The following CDYL2 variants were observed in gnomAD, a reference collection of about 807,000 sequenced individuals.
The protein encoded by CDYL2 is chromodomain Y-like protein 2.
Under a neutral mutation model 49.4 loss-of-function variants are expected in CDYL2, and 23 were observed. That is an observed-to-expected ratio of 0.47 (90% CI 0.34 to 0.66). CDYL2 has a LOEUF of 0.66. Ranked by LOEUF, CDYL2 falls within the 30% of genes least tolerant of loss-of-function variation. The pLI, the probability that CDYL2 is intolerant of heterozygous loss-of-function variation, is 0.01. For synonymous variants in CDYL2, 360 were observed against 268.8 expected, an observed-to-expected ratio of 1.34 and a Z score of -3.32; for missense variants, 678 against 656.4, an observed-to-expected ratio of 1.03 and a Z score of -0.36.
At chr16:80,708,364 G>A (rs1904475813) in intron 1 of CDYL2, among the ~76,000 whole-genome samples, 1 of 152,276 alleles carries the variant, frequency 6.6e-6, no homozygotes, top group Admixed American at 6.5e-5. Flanking sequence ...CAGTTCCTCT[G>A]CACAAGCTCT....
chr16:80,646,029 T>C (rs1160233528), intron 2 of CDYL2, among the ~76,000 whole-genome samples: 2 of 148,200 alleles, frequency 1.3e-5, no homozygotes, highest in African/African-American at 5.0e-5. Flanking sequence ...CATTAGGAGA[T>C]ATACCTAATG....
At chr16:80,634,324 G>A (rs1021560480) in intron 2 of CDYL2, among the ~76,000 whole-genome samples, 17 of 152,120 alleles carry the variant, frequency 1.1e-4, no homozygotes, top group Admixed American at 8.5e-4. Flanking sequence ...CCATAAAAAA[G>A]GATGAGTTCA....
intron 1 of CDYL2, among the ~76,000 whole-genome samples, chr16:80,718,682 A>C (rs1023167992): frequency 2.6e-5 from 4 of 152,208 alleles, no homozygotes; most frequent in Admixed American, 2.6e-4. Context: ...CTGACACTCA[A>C]GGCCACAGCA....
At chr16:80,670,289 CG>C (rs35973364) in intron 2 of CDYL2, among the ~76,000 whole-genome samples, 68,341 of 151,750 alleles carry the variant, frequency 0.45, 18,733 homozygotes, top group Middle Eastern at 0.68. Context: ...GACTGGATCA[CG>C]GGGGGCGGTT....
At chr16:80,754,980 A>T (rs1906260598) in intron 1 of CDYL2, among the ~76,000 whole-genome samples, 1 of 151,904 alleles carries the variant, frequency 6.6e-6, no homozygotes, top group South Asian at 2.1e-4. Flanking sequence ...TTGGGCAGTC[A>T]CCCACCAACA....
In CDYL2 at chr16:80,638,397, T is replaced by C. The variant is rs371617083; in HGVS notation, c.617-5161A>G. Among the ~76,000 whole-genome samples the C allele has an allele frequency of 3.9e-5, 6 of 152,212 alleles. No individual in the cohort carries two copies. In the East Asian group the frequency reaches 9.6e-4, roughly 24 times the overall value. On this transcript the variant is annotated intron_variant, in intron 2 of 6. Coordinates refer to ENST00000570137, the MANE Select transcript of CDYL2 (RefSeq NM_152342.4). Reference sequence around the variant, plus strand: ...GCCAAGACTCAATATTTTTAATATGTCAATTCTTCCCAACTTGATCTATAG... The same window carrying C: ...GCCAAGACTCAATATTTTTAATATGCCAATTCTTCCCAACTTGATCTATAG...
chr16:80,733,007 A>G (rs1375518311), intron 1 of CDYL2, among the ~76,000 whole-genome samples: 2 of 152,136 alleles, frequency 1.3e-5, no homozygotes, highest in Non-Finnish European at 2.9e-5. Context: ...GCCATTGATC[A>G]AAACAGACTC....
chr16:80,672,091 A>G (rs987972639), intron 2 of CDYL2, among the ~76,000 whole-genome samples: 2 of 152,146 alleles, frequency 1.3e-5, no homozygotes, highest in African/African-American at 4.8e-5. Flanking sequence ...GAATGCTCCA[A>G]TGAGCATTTC....
At chr16:80,629,276 A>G (rs1444589122) in intron 3 of CDYL2, among the ~76,000 whole-genome samples, 3 of 151,998 alleles carry the variant, frequency 2.0e-5, no homozygotes, top group Non-Finnish European at 4.4e-5. Context: ...AAGGAGGCAG[A>G]CTTATGAGAC....
At chr16:80,683,942 C>G (rs1159303821) in intron 2 of CDYL2, among the ~76,000 whole-genome samples, 1 of 152,188 alleles carries the variant, frequency 6.6e-6, no homozygotes, top group Admixed American at 6.5e-5. Flanking sequence ...TGTTTTGTGA[C>G]AGCAGCCTGA....
intron 2 of CDYL2, among the ~76,000 whole-genome samples, chr16:80,679,351 C>T (rs1909883492): frequency 6.6e-6 from 1 of 152,140 alleles, no homozygotes; most frequent in Non-Finnish European, 1.5e-5. Context: ...TCCTGACCCT[C>T]CCCCAGTCAC....
intron 1 of CDYL2, among the ~76,000 whole-genome samples, chr16:80,703,318 G>A (rs1429346883): frequency 6.6e-6 from 1 of 152,150 alleles, no homozygotes; most frequent in East Asian, 1.9e-4. Flanking sequence ...ACTAGACTGT[G>A]GCCTCCTTGA....
At chr16:80,721,972 G>C (rs947243475) in intron 1 of CDYL2, among the ~76,000 whole-genome samples, 4 of 152,202 alleles carry the variant, frequency 2.6e-5, no homozygotes, top group South Asian at 2.1e-4. Flanking sequence ...TCTGTTAGCT[G>C]TTACAAAATT....
chr16:80,761,709 T>A (rs1271068652), intron 1 of CDYL2, among the ~76,000 whole-genome samples: 5 of 150,114 alleles, frequency 3.3e-5, no homozygotes, highest in Non-Finnish European at 7.4e-5. Context: ...TAAAACATAT[T>A]TTGAGATTCA....
chr16:80,777,889 A>T (rs1567603904), intron 1 of CDYL2, among the ~76,000 whole-genome samples: 1 of 152,040 alleles, frequency 6.6e-6, no homozygotes, highest in Admixed American at 6.5e-5. Context: ...TAGCACATAC[A>T]AAAAAAGAGA....
At chr16:80,776,389 T>G (rs985284409) in intron 1 of CDYL2, among the ~76,000 whole-genome samples, 2 of 152,054 alleles carry the variant, frequency 1.3e-5, no homozygotes, top group African/African-American at 4.8e-5. Context: ...AGCTAAGAAT[T>G]TATCTTCAAT....
intron 1 of CDYL2, among the ~76,000 whole-genome samples, chr16:80,707,466 A>C (rs1307039538): frequency 2.0e-5 from 3 of 152,202 alleles, no homozygotes; most frequent in Admixed American, 2.0e-4. Context: ...GTCTCAAAAA[A>C]AAGAAAAGAA....
chr16:80,711,821 C>T (rs1038729151), intron 1 of CDYL2, among the ~76,000 whole-genome samples: 2 of 152,066 alleles, frequency 1.3e-5, no homozygotes, highest in Non-Finnish European at 2.9e-5. Flanking sequence ...GGGCCCTTGT[C>T]TGATGTACCT....
Position 80,633,230 on chromosome 16 carries a change from G to C in CDYL2, c.623C>G (p.Ala208Gly). Residue 208 changes from alanine to glycine, a missense_variant, in exon 3 of 7, where the codon GCT (alanine) becomes GGT (glycine). Ala to Gly is a moderately conservative substitution (Grantham distance 60). Coordinates refer to ENST00000570137, the MANE Select transcript of CDYL2 (RefSeq NM_152342.4). Reference protein sequence around the residue: ...ATLAENGLGSALTNGGLNLHS... With the variant: ...ATLAENGLGSGLTNGGLNLHS... ...CAGGTTCAATCCCCCGTTGGTCAGA[G>C]CAGAGCCTTCCAAAACCAGATAAAC... 7 of 1,612,204 alleles carry C rather than the reference G, an allele frequency of 4.3e-6. No homozygotes were observed. Among genetic ancestry groups the C allele is most frequent in the Non-Finnish European group, 5.1e-6 (6 of 1,178,386 alleles).
Sources: gnomAD v4.1 joint callset for allele counts (sites outside exome capture counted in the v4.1 genomes callset) on GRCh38, gnomAD v4.1.1 for gene constraint, MANE v1.5 for transcripts, NCBI Gene and HGNC (gene_info 2026-07-23, HGNC 2026-07-21) for gene names.